TBPL2: variants seen among roughly 807,000 people sequenced by gnomAD.
TBPL2 encodes the protein TATA box-binding protein-like 2.
Under a neutral mutation model 38.2 loss-of-function variants are expected in TBPL2, and 40 were observed. That is an observed-to-expected ratio of 1.05 (90% CI 0.81 to 1.36). The LOEUF is 1.36. Among genes scored for constraint, TBPL2 ranks in the 40% most tolerant of loss-of-function variants. TBPL2 has a pLI of 0.00. For synonymous variants in TBPL2, 169 were observed against 171.7 expected, an observed-to-expected ratio of 0.98 and a Z score of 0.12; for missense variants, 461 against 456.7, an observed-to-expected ratio of 1.01 and a Z score of -0.09.
At chr14:55,438,847 G>A (rs1886057322) in intron 1 of TBPL2, 1 of 150,872 alleles carries the variant, frequency 6.6e-6, no homozygotes, top group Non-Finnish European at 1.5e-5. Flanking sequence ...TAAATGCTAG[G>A]GAAAGTCACC....
At chr14:55,425,982 AG>A (rs1885815276) in intron 5 of TBPL2, among the ~76,000 whole-genome samples, 1 of 152,114 alleles carries the variant, frequency 6.6e-6, no homozygotes, top group African/African-American at 2.4e-5. Flanking sequence ...AAAATTAAAG[AG>A]GGGGCCGGGT....
chr14:55,426,261 C>T (rs1885820217), intron 5 of TBPL2, among the ~76,000 whole-genome samples: 1 of 143,506 alleles, frequency 7.0e-6, no homozygotes, highest in Non-Finnish European at 1.5e-5. Context: ...GAGCAAAACT[C>T]CATCTCAAAA....
At chr14:55,414,257 C>A (rs766118640) in exon 7 of TBPL2, 3 of 710,970 alleles carry the variant, frequency 4.2e-6, no homozygotes. Flanking sequence ...TACACAGAGT[C>A]GCCCTTTAAT....
intron 3 of TBPL2, among the ~76,000 whole-genome samples, chr14:55,433,952 C>G (rs1260965191): frequency 2.6e-5 from 4 of 152,136 alleles, no homozygotes; most frequent in African/African-American, 9.7e-5. Context: ...TGTTATGTTT[C>G]AGTTCCTATT....
At chr14:55,433,344 A>C (rs1885963239) in intron 4 of TBPL2, among the ~76,000 whole-genome samples, 1 of 130,552 alleles carries the variant, frequency 7.7e-6, no homozygotes, top group South Asian at 2.4e-4. Context: ...ACAGAGATGG[A>C]GTCTCACTGT....
At chr14:55,416,635 A>C (rs1049574228) in intron 6 of TBPL2, among the ~76,000 whole-genome samples, 3 of 152,166 alleles carry the variant, frequency 2.0e-5, no homozygotes, top group African/African-American at 7.2e-5. Context: ...CAGCTCTAAA[A>C]TTTTGGTTTC....
At chr14:55,436,922 A>G (rs754292959) in exon 2 of TBPL2, 37 of 1,614,116 alleles carry the variant, frequency 2.3e-5, no homozygotes, top group Non-Finnish European at 2.9e-5. Flanking sequence ...TCAGGGTTCG[A>G]ATTAAATGCA....
At chr14:55,426,157 C>G (rs948252697) in intron 5 of TBPL2, among the ~76,000 whole-genome samples, 4 of 151,768 alleles carry the variant, frequency 2.6e-5, no homozygotes, top group Non-Finnish European at 4.4e-5. Context: ...ATACCAGCTA[C>G]TCAGGAGGCT....
chr14:55,419,846 C>G (rs929840526), intron 6 of TBPL2, among the ~76,000 whole-genome samples: 1 of 152,180 alleles, frequency 6.6e-6, no homozygotes, highest in South Asian at 2.1e-4. Flanking sequence ...CAGTCAGACT[C>G]AAAGTTCATT....
At chr14:55,433,861 G>T in intron 3 of TBPL2, 140 bp from the exon 4 acceptor site, 2 of 615,770 alleles carry the variant, frequency 3.2e-6, no homozygotes, top group Non-Finnish European at 5.4e-6. Context: ...CCTACATTAA[G>T]GTTAACAAAA....
chr14:55,440,499 G>T, exon 1 of TBPL2: 2 of 1,612,168 alleles, frequency 1.2e-6, no homozygotes. Context: ...GGGTAAGCGC[G>T]GAGCGAGCAG....
chr14:55,426,769 G>A (rs915387409), intron 5 of TBPL2, among the ~76,000 whole-genome samples: 1 of 152,144 alleles, frequency 6.6e-6, no homozygotes. Flanking sequence ...AACTGTCCCA[G>A]GAGGAAGATA....
chr14:55,429,895 A>G (rs1368239329), intron 4 of TBPL2, among the ~76,000 whole-genome samples: 1 of 151,916 alleles, frequency 6.6e-6, no homozygotes, highest in African/African-American at 2.4e-5. Flanking sequence ...TCAGTTCTTG[A>G]GTCTTTATTG....
chr14:55,431,271 C>A (rs555407178), intron 4 of TBPL2, among the ~76,000 whole-genome samples: 1 of 152,300 alleles, frequency 6.6e-6, no homozygotes, highest in South Asian at 2.1e-4. Context: ...ATTATCTGAA[C>A]TCATTATCCA....
chr14:55,421,434 C>T (rs758200224), intron 6 of TBPL2, among the ~76,000 whole-genome samples: 1 of 152,136 alleles, frequency 6.6e-6, no homozygotes, highest in South Asian at 2.1e-4. Context: ...TCAAAACGTT[C>T]TTGGATTCCA....
chr14:55,429,179 C>A, intron 4 of TBPL2, among the ~76,000 whole-genome samples: 1 of 152,212 alleles, frequency 6.6e-6, no homozygotes, highest in East Asian at 1.9e-4. Context: ...AGCTGTTGAA[C>A]AGAATCATAA....
At chr14:55,432,329 C>T (rs1885942406) in intron 4 of TBPL2, among the ~76,000 whole-genome samples, 1 of 151,080 alleles carries the variant, frequency 6.6e-6, no homozygotes, top group Non-Finnish European at 1.5e-5. Context: ...GGAAGGATGG[C>T]TCCAGCCCGG....
chr14:55,430,808 C>T (rs1406387400), intron 4 of TBPL2, among the ~76,000 whole-genome samples: 1 of 152,240 alleles, frequency 6.6e-6, no homozygotes, highest in Non-Finnish European at 1.5e-5. Context: ...GCCATGTCCC[C>T]AGGTTAGCAG....
intron 3 of TBPL2, 135 bp downstream of exon 3, chr14:55,435,712 C>T (rs1422798553): frequency 1.7e-6 from 1 of 603,622 alleles, no homozygotes; most frequent in Admixed American, 3.7e-5. Flanking sequence ...CAGATATTAA[C>T]CCTGAGTTGC....
Sources: allele counts gnomAD v4.1 joint callset (sites outside exome capture counted in the v4.1 genomes callset), GRCh38; gene constraint gnomAD v4.1.1; transcripts MANE v1.5; gene names NCBI Gene and HGNC (gene_info 2026-07-23, HGNC 2026-07-21).